Variants in KBTBD12 observed in about 807,000 individuals in gnomAD.
KBTBD12 encodes the protein kelch repeat and BTB domain-containing protein 12.
KBTBD12 carries 53 observed loss-of-function variants against 58.7 expected under a neutral mutation model. The observed-to-expected ratio is 0.90, with a 90% CI of 0.72 to 1.14. KBTBD12 has a LOEUF of 1.14. Ranked by LOEUF, KBTBD12 falls within the 50% of genes most tolerant of loss-of-function variation. The pLI, the probability that KBTBD12 is intolerant of heterozygous loss-of-function variation, is 0.00. For synonymous variants in KBTBD12, 236 were observed against 259.8 expected, an observed-to-expected ratio of 0.91 and a Z score of 0.88; for missense variants, 704 against 751.3, an observed-to-expected ratio of 0.94 and a Z score of 0.74.
At chr3:127,921,276 C>G (rs1323186566) in intron 1 of KBTBD12, among the ~76,000 whole-genome samples, 3 of 152,048 alleles carry the variant, frequency 2.0e-5, no homozygotes, top group Non-Finnish European at 4.4e-5. Flanking sequence ...AAAACCAGGT[C>G]TCGGTCACCC....
In KBTBD12 at chr3:127,923,112, A is replaced by T; in HGVS notation, c.51A>T (p.Leu17Phe). The T allele has an allele frequency of 6.2e-7, 1 of 1,611,798 alleles. No homozygotes were observed. The highest frequency in any genetic ancestry group is 8.5e-7 in the Non-Finnish European group (1 of 1,178,040). Residue 17 changes from leucine to phenylalanine, a missense_variant, in exon 2 of 6, where the codon TTA (leucine) becomes TTT (phenylalanine). Leu to Phe is a conservative substitution (Grantham distance 22). Transcript: ENST00000405109. The part of the protein sequence containing the change: ...GKEKYQHSLN[L>F]LNKIQNMKEL... ...AAAAATACCAACATAGCTTGAATTT[A>T]CTGAATAAAATTCAGAACATGAAAG...
At chr3:127,949,952 A>AG (rs1208259812) in intron 4 of KBTBD12, among the ~76,000 whole-genome samples, 1 of 152,200 alleles carries the variant, frequency 6.6e-6, no homozygotes, top group Non-Finnish European at 1.5e-5. Context: ...ATAGTTTTAC[A>AG]GGGTAATCAC....
At chr3:127,966,584 A>C (rs898556757) in intron 5 of KBTBD12, among the ~76,000 whole-genome samples, 4 of 152,266 alleles carry the variant, frequency 2.6e-5, no homozygotes, top group Non-Finnish European at 5.9e-5. Context: ...AAAGCAGAAC[A>C]AAAAGCAATT....
intron 5 of KBTBD12, among the ~76,000 whole-genome samples, chr3:127,965,836 C>G (rs1380236983): frequency 6.6e-6 from 1 of 152,032 alleles, no homozygotes; most frequent in Admixed American, 6.6e-5. Context: ...AATTTGGAAG[C>G]TAAAAAGCAG....
intron 4 of KBTBD12, among the ~76,000 whole-genome samples, chr3:127,947,536 ATG>A (rs1940108671): frequency 6.6e-6 from 1 of 152,184 alleles, no homozygotes; most frequent in South Asian, 2.1e-4. Context: ...TGGAGACCAC[ATG>A]TGTGTTTGTG....
In KBTBD12 at chr3:127,963,303, C is replaced by G. The variant is rs1050926533; in HGVS notation, c.1607C>G (p.Pro536Arg). The change falls in exon 5 of 6, where the codon CCC (proline) becomes CGC (arginine). Residue 536 changes from proline (P) to arginine (R), a missense_variant. Coordinates refer to ENST00000405109, the MANE Select transcript of KBTBD12 (RefSeq NM_207335.4). Reference protein sequence around the residue: ...FWREGPPMPSPLLSLRTNSTN... With the variant: ...FWREGPPMPSRLLSLRTNSTN... ...CGAGAGGGCCCTCCCATGCCAAGTCCCCTCCTCTCACTCCGCACCAATTCC... is the reference window on the plus strand; with the variant it reads ...CGAGAGGGCCCTCCCATGCCAAGTCGCCTCCTCTCACTCCGCACCAATTCC... 1 of 1,611,678 alleles carries G rather than the reference C, an allele frequency of 6.2e-7. No individual in the cohort carries two copies. Among genetic ancestry groups the G allele is most frequent in the African/African-American group, 1.3e-5 (1 of 75,022 alleles).
At chr3:127,916,060 T>A (rs1208137802) in intron 1 of KBTBD12, among the ~76,000 whole-genome samples, 1 of 152,212 alleles carries the variant, frequency 6.6e-6, no homozygotes, top group Non-Finnish European at 1.5e-5. Flanking sequence ...GCCCTACATT[T>A]TCCCCCAAAT....
chr3:127,975,044 G>T (rs1330826747), intron 5 of KBTBD12, among the ~76,000 whole-genome samples: 1 of 152,212 alleles, frequency 6.6e-6, no homozygotes, highest in African/African-American at 2.4e-5. Flanking sequence ...ACAAGGCTTT[G>T]AGTGCAAATA....
intron 2 of KBTBD12, 41 bp downstream of exon 2, chr3:127,924,172 G>A (rs1436053813): frequency 7.8e-7 from 1 of 1,281,376 alleles, no homozygotes; most frequent in African/African-American, 1.5e-5. Flanking sequence ...ATTTTGTTTT[G>A]ATACTAGCAG....
chr3:127,940,546 T>C (rs1322627972), intron 4 of KBTBD12, among the ~76,000 whole-genome samples: 1 of 152,060 alleles, frequency 6.6e-6, no homozygotes. Flanking sequence ...ACACAACATA[T>C]CAAAGTTCGA....
At chr3:127,956,755 A>G (rs998444837) in intron 4 of KBTBD12, among the ~76,000 whole-genome samples, 1 of 152,238 alleles carries the variant, frequency 6.6e-6, no homozygotes, top group African/African-American at 2.4e-5. Flanking sequence ...GTACAACTAT[A>G]CAATCTGTGC....
intron 1 of KBTBD12, among the ~76,000 whole-genome samples, chr3:127,919,615 C>T (rs1056143113): frequency 1.3e-5 from 2 of 152,100 alleles, no homozygotes; most frequent in African/African-American, 2.4e-5. Flanking sequence ...CGGATGCCAG[C>T]GATATTGAGG....
intron 5 of KBTBD12, among the ~76,000 whole-genome samples, chr3:127,969,890 C>A (rs1940651807): frequency 6.6e-6 from 1 of 151,984 alleles, no homozygotes; most frequent in Non-Finnish European, 1.5e-5. Context: ...AGGCATAAAT[C>A]TTGAATTAGG....
At chr3:127,955,332 A>G (rs972551579) in intron 4 of KBTBD12, among the ~76,000 whole-genome samples, 1 of 152,218 alleles carries the variant, frequency 6.6e-6, no homozygotes, top group Non-Finnish European at 1.5e-5. Context: ...AGCACTGTCC[A>G]AGTCTGACTC....
At chr3:127,925,658 G>T (rs1263721491) in intron 2 of KBTBD12, among the ~76,000 whole-genome samples, 2 of 151,972 alleles carry the variant, frequency 1.3e-5, no homozygotes, top group Non-Finnish European at 2.9e-5. Context: ...ACTCAACCAG[G>T]TTCCCATCAC....
intron 5 of KBTBD12, among the ~76,000 whole-genome samples, chr3:127,983,477 G>A (rs1182280931): frequency 2.0e-5 from 3 of 152,260 alleles, no homozygotes; most frequent in Admixed American, 1.3e-4. Context: ...TCTGGCAACC[G>A]GGCGTGGTGG....
At chr3:127,935,338 G>T (rs557209995) in intron 4 of KBTBD12, among the ~76,000 whole-genome samples, 1 of 152,114 alleles carries the variant, frequency 6.6e-6, no homozygotes, top group Non-Finnish European at 1.5e-5. Flanking sequence ...AGAAAATGGG[G>T]TTATTTTGGA....
chr3:127,942,702 C>CTA (rs58969843), intron 4 of KBTBD12, among the ~76,000 whole-genome samples: 8,824 of 142,414 alleles, frequency 0.062, 321 homozygotes, highest in East Asian at 0.11. Flanking sequence ...ATATATATAA[C>CTA]TATATATATA....
intron 2 of KBTBD12, 150 bp from the exon 3 acceptor site, chr3:127,927,614 C>T: frequency 1.8e-6 from 1 of 561,624 alleles, no homozygotes; most frequent in Non-Finnish European, 3.0e-6. Context: ...AAAAGCAAAC[C>T]TGTGTCATTT....
Sources: allele counts gnomAD v4.1 joint callset (sites outside exome capture counted in the v4.1 genomes callset), GRCh38; gene constraint gnomAD v4.1.1; transcripts MANE v1.5; gene names NCBI Gene and HGNC (gene_info 2026-07-23, HGNC 2026-07-21).